Variants in LYZL1 observed in about 807,000 individuals in gnomAD.
LYZL1 encodes lysozyme-like protein 1.
In LYZL1, 16 loss-of-function variants were observed where a neutral mutation model predicts 17.9. The ratio of observed to expected loss-of-function variants is 0.90; its 90% CI spans 0.61 to 1.36. LYZL1 has a LOEUF of 1.36. LYZL1 is among the 40% of genes most tolerant of loss of function. LYZL1 has a pLI of 0.00. For synonymous variants in LYZL1, 58 were observed against 71.8 expected (o/e 0.81, Z 0.97); for missense variants, 149 against 188.4 (o/e 0.79, Z 1.22).
At chr10:29,317,659 CCT>C (rs1835747695) in intron 4 of LYZL1, among the ~76,000 whole-genome samples, 1 of 152,186 alleles carries the variant, frequency 6.6e-6, no homozygotes, top group Admixed American at 6.5e-5. Flanking sequence ...AGACACTGAA[CCT>C]CTCTGTTTCA....
chr10:29,289,417 C>CTTTTTTTTTTTTT (rs11347424), intron 1 of LYZL1, among the ~76,000 whole-genome samples, 187 bp downstream of exon 1: 1 of 128,718 alleles, frequency 7.8e-6, no homozygotes, highest in African/African-American at 3.1e-5. Flanking sequence ...TTTTTCTTTT[C>CTTTTTTTTTTTTT]TTTTTTTTTT....
intron 4 of LYZL1, among the ~76,000 whole-genome samples, chr10:29,310,671 G>C (rs774225118): frequency 4.6e-5 from 7 of 152,164 alleles, no homozygotes; most frequent in Non-Finnish European, 8.8e-5. Context: ...CCTTGCATTC[G>C]CTGCTGCTGT....
At chr10:29,311,595 A>G (rs1017970386), downstream of LYZL1, among the ~76,000 whole-genome samples, 29 of 152,210 alleles carry the variant, frequency 1.9e-4, no homozygotes, top group Non-Finnish European at 4.4e-5. Flanking sequence ...TCACTGTTTG[A>G]TATTGAAATT....
Position 29,310,091 on chromosome 10 carries a change from T to G in LYZL1, c.299-19T>G. On this transcript the variant is annotated intron_variant, in intron 3 of 4. Transcript: ENST00000649382. ...ACAACAAAGTCTCGCCTAACCCTGA[T>G]GTCTTCTCTCTTTTACAGCCTTGAT... 6.3e-7 allele frequency: 1 copy of G among 1,588,060 alleles called. No homozygotes were observed. The highest frequency in any genetic ancestry group is 8.6e-7 in the Non-Finnish European group (1 of 1,157,748).
intron 3 of LYZL1, among the ~76,000 whole-genome samples, chr10:29,305,397 A>G (rs1164730385): frequency 6.6e-6 from 1 of 152,216 alleles, no homozygotes; most frequent in African/African-American, 2.4e-5. Flanking sequence ...ATCAGAGGAA[A>G]ACAGAATTTA....
intron 3 of LYZL1, among the ~76,000 whole-genome samples, chr10:29,298,053 C>T (rs1454382626): frequency 1.3e-5 from 2 of 152,224 alleles, no homozygotes; most frequent in African/African-American, 4.8e-5. Context: ...AATTCTTTAC[C>T]TCCTGTATCA....
chr10:29,292,779 A>G, intron 3 of LYZL1, 102 bp downstream of exon 3: 3 of 1,509,440 alleles, frequency 2.0e-6, no homozygotes, highest in Non-Finnish European at 2.7e-6. Flanking sequence ...TTTGGAGTTC[A>G]GGCTTGCAAA....
chr10:29,298,765 G>A (rs1319555161), intron 3 of LYZL1, among the ~76,000 whole-genome samples: 1 of 152,090 alleles, frequency 6.6e-6, no homozygotes, highest in Non-Finnish European at 1.5e-5. Flanking sequence ...ACCTCATTAT[G>A]GTCAGAGAAT....
At chr10:29,312,306 C>T (rs1271210153), downstream of LYZL1, among the ~76,000 whole-genome samples, 2 of 152,096 alleles carry the variant, frequency 1.3e-5, no homozygotes, top group Non-Finnish European at 2.9e-5. Flanking sequence ...GGCCTATGAG[C>T]TGCATGTGGC....
chr10:29,298,541 G>C (rs1381091522), intron 3 of LYZL1, among the ~76,000 whole-genome samples: 1 of 152,118 alleles, frequency 6.6e-6, no homozygotes, highest in Non-Finnish European at 1.5e-5. Flanking sequence ...GGATCCGTCA[G>C]GGCAAAGATG....
chr10:29,312,872 T>C (rs1389956010), downstream of LYZL1, among the ~76,000 whole-genome samples: 2 of 152,154 alleles, frequency 1.3e-5, no homozygotes, highest in African/African-American at 2.4e-5. Context: ...TGAATGCAAT[T>C]TGACCTGGAA....
At chr10:29,316,442 A>G (rs1240864202) in intron 3 of LYZL1, among the ~76,000 whole-genome samples, 2 of 152,178 alleles carry the variant, frequency 1.3e-5, no homozygotes, top group Non-Finnish European at 2.9e-5. Context: ...GAAGCAACGA[A>G]TCTTTCTTTA....
At chr10:29,290,645 C>A (rs1282101976) in intron 1 of LYZL1, among the ~76,000 whole-genome samples, 1 of 152,098 alleles carries the variant, frequency 6.6e-6, no homozygotes, top group African/African-American at 2.4e-5. Flanking sequence ...TTGAAATGAG[C>A]CTGACCAACA....
downstream of LYZL1, among the ~76,000 whole-genome samples, chr10:29,314,485 A>G (rs1026931062): frequency 2.0e-5 from 3 of 152,176 alleles, no homozygotes; most frequent in Non-Finnish European, 4.4e-5. Context: ...GTGGTGGTGC[A>G]CACCTGTAGT....
At chr10:29,316,156 C>T (rs1347789946), downstream of LYZL1, among the ~76,000 whole-genome samples, 2 of 152,192 alleles carry the variant, frequency 1.3e-5, no homozygotes, top group African/African-American at 4.8e-5. Flanking sequence ...ACAGTAGAAG[C>T]TTCTGGAACA....
At chr10:29,293,738 C>T (rs1461756617) in intron 3 of LYZL1, among the ~76,000 whole-genome samples, 2 of 151,960 alleles carry the variant, frequency 1.3e-5, no homozygotes, top group Middle Eastern at 3.4e-3. Flanking sequence ...TTTGGGAGGC[C>T]GAGGCAGGTA....
intron 3 of LYZL1, among the ~76,000 whole-genome samples, chr10:29,307,505 C>T (rs1211361121): frequency 3.3e-5 from 5 of 152,170 alleles, no homozygotes; most frequent in African/African-American, 1.2e-4. Context: ...ATCCATTCAT[C>T]GGTCAACAAA....
chr10:29,305,582 G>A (rs1353095541), intron 3 of LYZL1, among the ~76,000 whole-genome samples: 1 of 152,194 alleles, frequency 6.6e-6, no homozygotes, highest in Non-Finnish European at 1.5e-5. Flanking sequence ...AGTAGTAATA[G>A]CTATTATTAT....
intron 4 of LYZL1, 46 bp from the exon 5 acceptor site, chr10:29,310,944 A>G (rs1477809029): frequency 6.2e-7 from 1 of 1,613,996 alleles, no homozygotes; most frequent in South Asian, 1.1e-5. Flanking sequence ...GACGGTTTGG[A>G]TTGTCACGCT....
Sources: gnomAD v4.1 joint callset for allele counts (sites outside exome capture counted in the v4.1 genomes callset) on GRCh38, gnomAD v4.1.1 for gene constraint, MANE v1.5 for transcripts, NCBI Gene and HGNC (gene_info 2026-07-23, HGNC 2026-07-21) for gene names.